LYPLAL1: variants seen among roughly 807,000 people sequenced by gnomAD.
The protein encoded by LYPLAL1 is lysophospholipase-like protein 1.
A neutral mutation model predicts 19.7 loss-of-function variants in LYPLAL1; 23 were observed. The observed-to-expected ratio is 1.17, with a 90% CI of 0.84 to 1.65. The LOEUF is 1.65. Among genes scored for constraint, LYPLAL1 ranks in the 40% most tolerant of loss-of-function variants. The pLI is 0.00. For missense variants in LYPLAL1, 355 were observed against 279.4 expected, an observed-to-expected ratio of 1.27 and a Z score of -1.93; for synonymous variants, 119 against 96.3, an observed-to-expected ratio of 1.24 and a Z score of -1.38.
Position 219,211,531 on chromosome 1 carries a change from C to T in LYPLAL1, c.517C>T (p.Gln173Ter), listed in dbSNP as rs140122550. ...TAATGGTGTACTTCCTGAATTATTT[C>T]AGTGTCATGGTACTGCAGATGAGTT... Reference protein sequence around the residue: ...KSNGVLPELFQCHGTADELVL... With the variant: ...KSNGVLPELF Residue 173 changes from glutamine to a stop codon, truncating the protein, a stop_gained, in exon 5 of 5, where the codon CAG becomes TAG. Transcript: ENST00000366928. LOFTEE classifies it low-confidence loss of function (END_TRUNC). 1 of 1,612,352 alleles carries T rather than the reference C, an allele frequency of 6.2e-7. No homozygotes were observed. Among genetic ancestry groups the T allele is most frequent in the African/African-American group, 1.3e-5 (1 of 74,836 alleles).
chr1:219,354,040 C>T, the LYPLAL1 span, among the ~76,000 whole-genome samples: 4 of 152,028 alleles, frequency 2.6e-5, no homozygotes, highest in Non-Finnish European at 4.4e-5. Context: ...AACTTGTAAA[C>T]ATGGAAGTAG....
the LYPLAL1 span, among the ~76,000 whole-genome samples, chr1:219,335,662 T>C: frequency 1.3e-5 from 2 of 151,976 alleles, no homozygotes; most frequent in East Asian, 3.9e-4. Flanking sequence ...TGCTCCTTCA[T>C]GGTAAAATAA....
the LYPLAL1 span, among the ~76,000 whole-genome samples, chr1:219,246,770 G>C: frequency 6.6e-6 from 1 of 152,118 alleles, no homozygotes; most frequent in Non-Finnish European, 1.5e-5. Flanking sequence ...ATTTTTTGTA[G>C]GGATGGAGTT....
the LYPLAL1 span, among the ~76,000 whole-genome samples, chr1:219,226,206 C>T: frequency 6.6e-6 from 1 of 152,188 alleles, no homozygotes; most frequent in African/African-American, 2.4e-5. Flanking sequence ...GATTGCCACA[C>T]AATTGACATG....
the LYPLAL1 span, among the ~76,000 whole-genome samples, chr1:219,410,847 C>T: frequency 4.6e-5 from 7 of 152,362 alleles, no homozygotes; most frequent in South Asian, 2.1e-4. Flanking sequence ...GGCCCACCGG[C>T]GCTGCGCTCG....
chr1:219,354,725 A>G, the LYPLAL1 span, among the ~76,000 whole-genome samples: 1 of 152,232 alleles, frequency 6.6e-6, no homozygotes, highest in Non-Finnish European at 1.5e-5. Context: ...AGCTAATATT[A>G]TTTGTAATTA....
chr1:219,296,879 A>G, the LYPLAL1 span, among the ~76,000 whole-genome samples: 1 of 152,312 alleles, frequency 6.6e-6, no homozygotes, highest in East Asian at 1.9e-4. Context: ...CTAAAGTGCA[A>G]CGAATCAGAA....
the LYPLAL1 span, among the ~76,000 whole-genome samples, chr1:219,246,111 T>C: frequency 2.0e-5 from 3 of 152,148 alleles, no homozygotes; most frequent in African/African-American, 7.2e-5. Context: ...TCTGTTCACA[T>C]AGCAATCCTG....
chr1:219,391,978 C>G, the LYPLAL1 span, among the ~76,000 whole-genome samples: 1 of 152,158 alleles, frequency 6.6e-6, no homozygotes. Context: ...ATTTGGTGGT[C>G]ACTGGATATA....
chr1:219,181,748 A>G (rs1656312523), intron 2 of LYPLAL1, among the ~76,000 whole-genome samples: 1 of 152,144 alleles, frequency 6.6e-6, no homozygotes, highest in Admixed American at 6.6e-5. Flanking sequence ...GAGAGATGAT[A>G]TCATACTTAG....
At chr1:219,327,341 C>A in the LYPLAL1 span, among the ~76,000 whole-genome samples, 1 of 152,128 alleles carries the variant, frequency 6.6e-6, no homozygotes, top group Non-Finnish European at 1.5e-5. Flanking sequence ...CTGGCCCAAG[C>A]AGTCTGCAAG....
the LYPLAL1 span, among the ~76,000 whole-genome samples, chr1:219,429,155 G>A: frequency 6.6e-6 from 1 of 152,130 alleles, no homozygotes; most frequent in Admixed American, 6.5e-5. Flanking sequence ...AGTAAAACAG[G>A]CTTTTCAGAG....
intron 2 of LYPLAL1, among the ~76,000 whole-genome samples, chr1:219,183,014 A>G (rs1269651115): frequency 1.3e-5 from 2 of 152,144 alleles, no homozygotes; most frequent in African/African-American, 4.8e-5. Flanking sequence ...ACACTATGCC[A>G]AGCATATTTC....
the LYPLAL1 span, among the ~76,000 whole-genome samples, chr1:219,232,832 A>G: frequency 6.6e-6 from 1 of 151,732 alleles, no homozygotes; most frequent in Non-Finnish European, 1.5e-5. Context: ...ACCTCAATAT[A>G]TCACTGCCCG....
the LYPLAL1 span, among the ~76,000 whole-genome samples, chr1:219,330,112 T>C: frequency 6.6e-6 from 1 of 152,078 alleles, no homozygotes; most frequent in South Asian, 2.1e-4. Flanking sequence ...TGAGGAGTAA[T>C]CATAAAAGGA....
chr1:219,186,770 A>G (rs888293423), intron 2 of LYPLAL1, among the ~76,000 whole-genome samples: 1 of 151,640 alleles, frequency 6.6e-6, no homozygotes, highest in African/African-American at 2.4e-5. Flanking sequence ...TTTCTTATAG[A>G]CAACACGTAG....
At chr1:219,422,078 A>C in the LYPLAL1 span, among the ~76,000 whole-genome samples, 13 of 152,204 alleles carry the variant, frequency 8.5e-5, no homozygotes, top group Non-Finnish European at 1.9e-4. Flanking sequence ...GAAACACCAC[A>C]TACCATTTTT....
the LYPLAL1 span, among the ~76,000 whole-genome samples, chr1:219,402,115 G>A: frequency 6.6e-6 from 1 of 151,984 alleles, no homozygotes; most frequent in South Asian, 2.1e-4. Context: ...TTTTAAAAAG[G>A]GAAAGAAAAA....
the LYPLAL1 span, among the ~76,000 whole-genome samples, chr1:219,227,757 G>A: frequency 1.3e-5 from 2 of 152,104 alleles, no homozygotes; most frequent in South Asian, 4.1e-4. Flanking sequence ...TCCATGATAT[G>A]GTTTTCTTAA....
Sources: gnomAD v4.1 joint callset for allele counts (sites outside exome capture counted in the v4.1 genomes callset) on GRCh38, gnomAD v4.1.1 for gene constraint, MANE v1.5 for transcripts, NCBI Gene and HGNC (gene_info 2026-07-23, HGNC 2026-07-21) for gene names.